Variants in NRXN2 observed in about 807,000 individuals in gnomAD.
The protein encoded by NRXN2 is neurexin 2, also known as neurexin-2-beta.
Under a neutral mutation model 128.8 loss-of-function variants are expected in NRXN2, and 29 were observed. The observed-to-expected ratio is 0.23, with a 90% CI of 0.17 to 0.31. The LOEUF (loss-of-function observed/expected upper bound fraction) is 0.31, where lower values mean the gene tolerates loss of function less well. Among genes scored for constraint, NRXN2 ranks in the 10% least tolerant of loss-of-function variants. The pLI, the probability that NRXN2 is intolerant of heterozygous loss-of-function variation, is 1.00. For synonymous variants in NRXN2, 1,098 were observed against 1,075.2 expected (o/e 1.02, Z -0.41); for missense variants, 1,881 against 2,452.6 (o/e 0.77, Z 4.92).
At chr11:64,649,272 CTCCCAAAGTTTCCCATTCCCAGAACTCCT>C (rs2047140991) in intron 15 of NRXN2, among the ~76,000 whole-genome samples, 1 of 152,312 alleles carries the variant, frequency 6.6e-6, no homozygotes, top group Non-Finnish European at 1.5e-5. Context: ...CATTCCCTCC[CTCCCAAAGTTTCCCATTCCCAGAACTCCT>C]TCAAGCCTTT....
At chr11:64,662,927 G>A (rs1320243359) in intron 9 of NRXN2, among the ~76,000 whole-genome samples, 1 of 152,126 alleles carries the variant, frequency 6.6e-6, no homozygotes, top group Non-Finnish European at 1.5e-5. Context: ...AGAGGTTAAG[G>A]AGGGTTTGGG....
intron 17 of NRXN2, among the ~76,000 whole-genome samples, chr11:64,637,845 G>T (rs1397101950): frequency 6.6e-6 from 1 of 152,132 alleles, no homozygotes; most frequent in Non-Finnish European, 1.5e-5. Context: ...CATCACCATG[G>T]ACAGAGCCCT....
At chr11:64,655,717 C>T (rs1397815401) in intron 11 of NRXN2, among the ~76,000 whole-genome samples, 1 of 152,154 alleles carries the variant, frequency 6.6e-6, no homozygotes, top group Non-Finnish European at 1.5e-5. Context: ...AGAGACTCCA[C>T]CCTCAGAAAC....
intron 1 of NRXN2, among the ~76,000 whole-genome samples, chr11:64,718,084 A>G (rs927881522): frequency 6.6e-6 from 1 of 152,204 alleles, no homozygotes; most frequent in African/African-American, 2.4e-5. Context: ...AAGCAAGACT[A>G]GAACCAAAGT....
intron 7 of NRXN2, among the ~76,000 whole-genome samples, chr11:64,673,188 A>T (rs1281247916): frequency 1.3e-5 from 2 of 152,210 alleles, no homozygotes; most frequent in African/African-American, 4.8e-5. Context: ...CAGGCATTCA[A>T]GTTTAAATGA....
intron 5 of NRXN2, chr11:64,688,824 G>A (rs2053444423): frequency 1.0e-6 from 1 of 985,128 alleles, no homozygotes; most frequent in Non-Finnish European, 1.2e-6. Flanking sequence ...TTCTTTCCAG[G>A]CCCAGCTCCC....
intron 11 of NRXN2, among the ~76,000 whole-genome samples, chr11:64,657,097 C>T (rs577626863): frequency 6.6e-5 from 10 of 152,292 alleles, no homozygotes; most frequent in African/African-American, 2.2e-4. Context: ...AGGATAAGAT[C>T]ATGAGGCCAG....
At chr11:64,640,345 C>T (rs1338944599) in intron 17 of NRXN2, among the ~76,000 whole-genome samples, 1 of 152,186 alleles carries the variant, frequency 6.6e-6, no homozygotes, top group Non-Finnish European at 1.5e-5. Flanking sequence ...GCCAGTTCCT[C>T]TCTCCTACAC....
Position 64,607,892 on chromosome 11 carries a change from C to T in NRXN2, c.4443G>A (p.Arg1481=). ...TGGGCTCCTCGCAGTCGCTGTCGTC[C>T]CGCTCGGCCTGGCACGGGCCCCCAG... The part of the protein sequence containing the change: ...PPSGGPCQAE[R]DDSDCEEPIE... Residue 1481 remains arginine, a synonymous_variant, in exon 23 of 23, where the codon CGG becomes CGA. Coordinates refer to ENST00000265459, the MANE Select transcript of NRXN2 (RefSeq NM_015080.4). 1 of 1,574,876 alleles carries T rather than the reference C, an allele frequency of 6.3e-7. No individual in the cohort carries two copies. Among genetic ancestry groups the T allele is most frequent in the Non-Finnish European group, 8.6e-7 (1 of 1,161,222 alleles).
At chr11:64,702,542 A>G (rs890689012) in intron 2 of NRXN2, among the ~76,000 whole-genome samples, 7 of 152,046 alleles carry the variant, frequency 4.6e-5, no homozygotes, top group African/African-American at 1.4e-4. Context: ...GTATCCACTC[A>G]GGGTTGAATG....
intron 17 of NRXN2, among the ~76,000 whole-genome samples, chr11:64,645,935 G>A (rs1320348483): frequency 2.6e-5 from 4 of 152,144 alleles, no homozygotes; most frequent in African/African-American, 9.7e-5. Context: ...AACTGAACGG[G>A]TCTCTCTGCT....
At position 64,652,160 on chromosome 11, in the gene NRXN2, G is replaced by A. The variant is rs192111132; in HGVS notation, c.2417-6C>T. 182 of 1,610,692 alleles carry A rather than the reference G, an allele frequency of 1.1e-4. No individual in the cohort carries two copies. Among genetic ancestry groups the A allele is most frequent in the Non-Finnish European group, 9.3e-6 (11 of 1,179,526 alleles). Reference sequence around the variant, plus strand: ...CAGCGTTTCGGGGCCTTTACCTGCGGCACCAAGGGGGGAATGAGGAGGGCA... The same window carrying A: ...CAGCGTTTCGGGGCCTTTACCTGCGACACCAAGGGGGGAATGAGGAGGGCA... On this transcript the variant is annotated splice_region_variant and splice_polypyrimidine_tract_variant and intron_variant, in intron 12 of 22. Coordinates refer to ENST00000265459, the MANE Select transcript of NRXN2 (RefSeq NM_015080.4).
intron 13 of NRXN2, 34 bp downstream of exon 13, chr11:64,652,001 G>T: frequency 1.2e-6 from 2 of 1,607,036 alleles, no homozygotes; most frequent in Non-Finnish European, 1.7e-6. Context: ...GGTCACTGGA[G>T]ATGTGTCCAC....
Position 64,650,738 on chromosome 11 carries a change from G to A in NRXN2, c.2919-100C>T. On this transcript the variant is annotated intron_variant, in intron 14 of 22. Coordinates refer to ENST00000265459, the MANE Select transcript of NRXN2 (RefSeq NM_015080.4). ...GGCTGGCAGGGGTCCTAGGTGCCAT[G>A]GGAAGAGGGATTGAAAGGGAGACCC... 4 of 1,167,876 alleles carry A rather than the reference G, an allele frequency of 3.4e-6. No individual in the cohort carries two copies. In the South Asian group the frequency reaches 5.1e-5, roughly 15 times the overall value. The allele number at this position is 1,167,876 out of a possible 1,614,324, so 72.3% of individuals were successfully genotyped here. A position where few individuals can be genotyped will look rare whatever the true frequency, so the allele number is the denominator to read the frequency against.
At chr11:64,670,340 G>A (rs555356516) in intron 7 of NRXN2, among the ~76,000 whole-genome samples, 1 of 152,234 alleles carries the variant, frequency 6.6e-6, no homozygotes, top group Non-Finnish European at 1.5e-5. Flanking sequence ...CTGGGAAGTA[G>A]GGGTCTGGGT....
intron 9 of NRXN2, among the ~76,000 whole-genome samples, chr11:64,663,461 T>C (rs1412765392): frequency 1.3e-5 from 2 of 151,508 alleles, no homozygotes; most frequent in Non-Finnish European, 2.9e-5. Context: ...ATACAAGGTG[T>C]CAGATGACCC....
At chr11:64,683,302 C>T (rs2052558145) in intron 6 of NRXN2, among the ~76,000 whole-genome samples, 1 of 152,100 alleles carries the variant, frequency 6.6e-6, no homozygotes, top group African/African-American at 2.4e-5. Context: ...GTTCCAATCC[C>T]AGGATGTCAC....
chr11:64,659,138 C>T (rs1209345044), intron 11 of NRXN2, among the ~76,000 whole-genome samples: 1 of 152,224 alleles, frequency 6.6e-6, no homozygotes, highest in Non-Finnish European at 1.5e-5. Flanking sequence ...ACCCTGATGA[C>T]CTGCAAGCTT....
chr11:64,695,906 G>A (rs1231870863), intron 3 of NRXN2, among the ~76,000 whole-genome samples: 1 of 151,846 alleles, frequency 6.6e-6, no homozygotes, highest in Admixed American at 6.6e-5. Context: ...TCTTGTTCCT[G>A]TCTATCAGCC....
Sources: gnomAD v4.1 joint callset for allele counts (sites outside exome capture counted in the v4.1 genomes callset) on GRCh38, gnomAD v4.1.1 for gene constraint, MANE v1.5 for transcripts, NCBI Gene and HGNC (gene_info 2026-07-23, HGNC 2026-07-21) for gene names.